Variants in ITGA9 observed in about 807,000 individuals in gnomAD.
The protein encoded by ITGA9 is integrin alpha-9.
ITGA9 carries 56 observed loss-of-function variants against 127.8 expected under a neutral mutation model. That is an observed-to-expected ratio of 0.44 (90% CI 0.35 to 0.55). The LOEUF (loss-of-function observed/expected upper bound fraction) is 0.55, where lower values mean the gene tolerates loss of function less well. Among genes scored for constraint, ITGA9 ranks in the 20% least tolerant of loss-of-function variants. The probability of loss-of-function intolerance (pLI) is 0.00; values close to 1 mark genes in which losing one functional copy is unlikely to be tolerated. For missense variants in ITGA9, 1,196 were observed against 1,347.1 expected (o/e 0.89, Z 1.76); for synonymous variants, 508 against 514.5 (o/e 0.99, Z 0.17).
intron 8 of ITGA9, among the ~76,000 whole-genome samples, chr3:37,512,581 A>G (rs997059222): frequency 2.0e-5 from 3 of 152,090 alleles, no homozygotes; most frequent in Non-Finnish European, 4.4e-5. Flanking sequence ...CAGCCTACAA[A>G]TACTTTTGTT....
At chr3:37,549,869 T>C (rs1435221544) in intron 15 of ITGA9, among the ~76,000 whole-genome samples, 2 of 152,224 alleles carry the variant, frequency 1.3e-5, no homozygotes, top group African/African-American at 4.8e-5. Flanking sequence ...AATAGTGTGT[T>C]TGGGGAAAAG....
At chr3:37,487,516 C>T (rs1055219202) in intron 4 of ITGA9, among the ~76,000 whole-genome samples, 11 of 152,204 alleles carry the variant, frequency 7.2e-5, no homozygotes, top group African/African-American at 2.4e-4. Context: ...TCTTTTGTTT[C>T]TCTCAGAAAA....
At chr3:37,759,506 CA>C (rs1696697516) in intron 23 of ITGA9, among the ~76,000 whole-genome samples, 1 of 152,020 alleles carries the variant, frequency 6.6e-6, no homozygotes, top group South Asian at 2.1e-4. Context: ...TAAAGAATAT[CA>C]GTAATAATAT....
intron 18 of ITGA9, among the ~76,000 whole-genome samples, chr3:37,698,050 T>C (rs1575197710): frequency 6.6e-6 from 1 of 152,202 alleles, no homozygotes; most frequent in Non-Finnish European, 1.5e-5. Context: ...GATGATATCT[T>C]ATTGTGGTTT....
chr3:37,534,675 T>A (rs1699191347), intron 14 of ITGA9, among the ~76,000 whole-genome samples: 1 of 152,250 alleles, frequency 6.6e-6, no homozygotes, highest in Non-Finnish European at 1.5e-5. Context: ...TTATCATTTT[T>A]TAAAAAGAGC....
Position 37,818,994 on chromosome 3 carries a change from CCA to C in ITGA9, c.*9_*10del, listed in dbSNP as rs756415528. The C allele has an allele frequency of 1.9e-5, 30 of 1,583,566 alleles. No homozygotes were observed. Among genetic ancestry groups the C allele is most frequent in the South Asian group, 1.9e-4 (17 of 90,468 alleles). On this transcript the variant is annotated 3_prime_UTR_variant, in exon 28 of 28. Coordinates refer to ENST00000264741, the MANE Select transcript of ITGA9 (RefSeq NM_002207.3). ...TGGGTCCAGAAAAACCAGTGAGCTGCCACACCAGTCACATGACCTGATCACTA... is the reference window on the plus strand; with the variant it reads ...TGGGTCCAGAAAAACCAGTGAGCTGCCACCAGTCACATGACCTGATCACTA...
chr3:37,619,495 G>C (rs578066947), intron 15 of ITGA9, among the ~76,000 whole-genome samples: 1 of 152,212 alleles, frequency 6.6e-6, no homozygotes, highest in Non-Finnish European at 1.5e-5. Flanking sequence ...GCCTGATCCC[G>C]TGCAGAAGCT....
intron 15 of ITGA9, among the ~76,000 whole-genome samples, chr3:37,594,841 T>TTC (rs1699854143): frequency 6.6e-6 from 1 of 152,172 alleles, no homozygotes; most frequent in African/African-American, 2.4e-5. Context: ...GCGCAGTAAC[T>TTC]ATTCACAGGC....
At chr3:37,785,273 A>G (rs1427086289) in intron 26 of ITGA9, among the ~76,000 whole-genome samples, 195 bp downstream of exon 26, 1 of 152,160 alleles carries the variant, frequency 6.6e-6, no homozygotes, top group Non-Finnish European at 1.5e-5. Context: ...TTGTGATAGC[A>G]TTGTCCTTTA....
chr3:37,509,802 G>C (rs1236802187), intron 8 of ITGA9, among the ~76,000 whole-genome samples: 1 of 152,072 alleles, frequency 6.6e-6, no homozygotes, highest in Non-Finnish European at 1.5e-5. Context: ...TTCTGCAAAA[G>C]GGTTTTCCAA....
In ITGA9 at chr3:37,760,698, G is replaced by C. The variant is rs1040134726; in HGVS notation, c.2541+10129G>C. ...ACAAAAAACAGGTGAATTAAAGTTAGATGTTAAAAAAAATATTTGCAGAAC... is the reference window on the plus strand; with the variant it reads ...ACAAAAAACAGGTGAATTAAAGTTACATGTTAAAAAAAATATTTGCAGAAC... On this transcript the variant is annotated intron_variant, in intron 23 of 27. Transcript: ENST00000264741. 1.2e-4 allele frequency among the ~76,000 whole-genome samples: 19 copies of C among 152,222 alleles called. 1 individual carries two copies. The highest frequency in any genetic ancestry group is 6.8e-3 in the Middle Eastern group (2 of 294).
chr3:37,660,548 C>T (rs540969022), intron 17 of ITGA9, among the ~76,000 whole-genome samples: 1 of 152,170 alleles, frequency 6.6e-6, no homozygotes, highest in Non-Finnish European at 1.5e-5. Context: ...TCCACTGCCC[C>T]AGTCTGGCCT....
At chr3:37,634,845 G>C (rs1455281018) in intron 16 of ITGA9, among the ~76,000 whole-genome samples, 1 of 152,144 alleles carries the variant, frequency 6.6e-6, no homozygotes, top group Non-Finnish European at 1.5e-5. Context: ...GGATCACATA[G>C]TAGGCCACAA....
chr3:37,533,552 T>A, intron 14 of ITGA9, 84 bp downstream of exon 14: 1 of 1,402,242 alleles, frequency 7.1e-7, no homozygotes. Flanking sequence ...CCTGTCGCTG[T>A]TCCTCCCAGC....
intron 4 of ITGA9, among the ~76,000 whole-genome samples, chr3:37,484,514 C>T (rs763276371): frequency 6.6e-6 from 1 of 152,156 alleles, no homozygotes; most frequent in African/African-American, 2.4e-5. Context: ...CTCTGTTCCA[C>T]GTTAGGGGTC....
chr3:37,666,624 G>A (rs150717321), intron 17 of ITGA9, among the ~76,000 whole-genome samples: 373 of 152,336 alleles, frequency 2.4e-3, no homozygotes, highest in African/African-American at 8.4e-3. Flanking sequence ...GGCCCAAAAT[G>A]GAGAGCAGCA....
At chr3:37,783,261 T>A (rs924838011) in intron 25 of ITGA9, among the ~76,000 whole-genome samples, 1 of 152,218 alleles carries the variant, frequency 6.6e-6, no homozygotes, top group African/African-American at 2.4e-5. Context: ...CCTCGTCTGC[T>A]TGGCCTGTAA....
chr3:37,654,437 G>A (rs1028950943), intron 17 of ITGA9, among the ~76,000 whole-genome samples: 9 of 152,176 alleles, frequency 5.9e-5, no homozygotes, highest in African/African-American at 1.9e-4. Flanking sequence ...CTTCATTTAG[G>A]ATGAAGGTGC....
chr3:37,688,974 G>A (rs990122654), intron 18 of ITGA9, among the ~76,000 whole-genome samples: 8 of 150,942 alleles, frequency 5.3e-5, no homozygotes, highest in Admixed American at 1.3e-4. Flanking sequence ...GGGCAGGTGA[G>A]TGGATGACTG....
Sources: gnomAD v4.1 joint callset for allele counts (sites outside exome capture counted in the v4.1 genomes callset) on GRCh38, gnomAD v4.1.1 for gene constraint, MANE v1.5 for transcripts, NCBI Gene and HGNC (gene_info 2026-07-23, HGNC 2026-07-21) for gene names.